The following OSTF1 variants were observed in gnomAD, a reference collection of about 807,000 sequenced individuals.
The protein encoded by OSTF1 is osteoclast-stimulating factor 1.
In OSTF1, 27 loss-of-function variants were observed where a neutral mutation model predicts 37.2. That is an observed-to-expected ratio of 0.73 (90% CI 0.54 to 1.00). The LOEUF (loss-of-function observed/expected upper bound fraction) is 1.00. Among genes scored for constraint, OSTF1 ranks in the 50% least tolerant of loss-of-function variants. OSTF1 has a pLI of 0.00. For synonymous variants in OSTF1, 82 were observed against 89.2 expected (o/e 0.92, Z 0.46); for missense variants, 232 against 253.8 (o/e 0.91, Z 0.58).
chr9:75,116,181 A>C (rs750437601), intron 1 of OSTF1, among the ~76,000 whole-genome samples: 11 of 152,250 alleles, frequency 7.2e-5, no homozygotes, highest in Non-Finnish European at 1.6e-4. Flanking sequence ...TAGTATGTAC[A>C]TTGCATTAAG....
intron 8 of OSTF1, among the ~76,000 whole-genome samples, chr9:75,139,061 T>TCTTTTCTTTCTTTTC (rs1825895719): frequency 7.1e-6 from 1 of 140,976 alleles, no homozygotes. Flanking sequence ...TTTCTTTTTT[T>TCTTTTCTTTCTTTTC]TTTGAAACTG....
At chr9:75,118,692 A>C (rs557888797) in intron 2 of OSTF1, among the ~76,000 whole-genome samples, 4 of 152,220 alleles carry the variant, frequency 2.6e-5, no homozygotes, top group African/African-American at 9.7e-5. Context: ...GGCGAAAGGC[A>C]TGTCTTACAT....
chr9:75,128,574 TTTTGTCC>T lies in OSTF1; in HGVS notation c.132+956_132+962del, dbSNP rs375092311. 3.1e-4 allele frequency among the ~76,000 whole-genome samples: 4 copies of T among 12,786 alleles called. 1 individual carries two copies. Among genetic ancestry groups the T allele is most frequent in the Non-Finnish European group, 5.6e-4 (3 of 5,348 alleles). 8.4% of individuals were successfully genotyped at this position (12,786 alleles called of 152,430 possible). A position where few individuals can be genotyped will look rare whatever the true frequency, so the allele number is the denominator to read the frequency against. On this transcript the variant is annotated intron_variant, in intron 3 of 9. Coordinates refer to ENST00000346234, the MANE Select transcript of OSTF1 (RefSeq NM_012383.5). The stretch of plus-strand genomic sequence containing the variant: ...GTCCATATATATATATATATATATA[TTTTGTCC>T]ATATATATATATATATATATATATA...
At chr9:75,090,294 GGTGTGTGTGTGTGT>G (rs3837221) in intron 1 of OSTF1, among the ~76,000 whole-genome samples, 14,276 of 149,336 alleles carry the variant, frequency 0.096, 869 homozygotes, top group African/African-American at 0.17. Context: ...GACATTGACA[GGTGTGTGTGTGTGT>G]GTGTGTGTGT....
At chr9:75,117,574 TA>T in intron 2 of OSTF1, 24 bp downstream of exon 2, 1 of 1,542,276 alleles carries the variant, frequency 6.5e-7, no homozygotes, top group Non-Finnish European at 9.0e-7. Flanking sequence ...TTTTAACTTC[TA>T]AAATTGACAG....
intron 1 of OSTF1, among the ~76,000 whole-genome samples, chr9:75,111,125 C>T (rs558024045): frequency 1.4e-4 from 22 of 152,262 alleles, no homozygotes; most frequent in African/African-American, 4.8e-4. Context: ...AATTTGTAAG[C>T]CCCAGGCCCG....
Position 75,131,812 on chromosome 9 carries a change from C to A in OSTF1, c.239C>A (p.Ala80Glu). Residue 80 changes from alanine to glutamate, a missense_variant, in exon 5 of 10, where the codon GCA becomes GAA. By Grantham distance (107) the Ala-to-Glu change is moderately radical. Transcript: ENST00000346234. ...TCCATTGACAATCCATTGCATGAAG[C>A]AGCAAAAAGAGGTAGGTGTGATTCT... is the stretch of plus-strand genomic sequence containing the variant. ...AESIDNPLHE[A>E]AKRGNLSWLR... 6.2e-7 allele frequency: 1 copy of A among 1,612,658 alleles called. No individual in the cohort carries two copies. The highest frequency in any genetic ancestry group is 8.5e-7 in the Non-Finnish European group (1 of 1,178,878).
chr9:75,126,686 C>T (rs376640500), intron 2 of OSTF1, among the ~76,000 whole-genome samples: 10 of 152,066 alleles, frequency 6.6e-5, no homozygotes, highest in African/African-American at 2.2e-4. Flanking sequence ...CTCTGCCTCC[C>T]GGGTTCAAGA....
chr9:75,130,625 A>G lies in OSTF1; in HGVS notation c.180A>G (p.Leu60=). 1 of 1,610,720 alleles carries G rather than the reference A, an allele frequency of 6.2e-7. No individual in the cohort carries two copies. The highest frequency in any genetic ancestry group is 8.5e-7 in the Non-Finnish European group (1 of 1,176,916). The stretch of plus-strand genomic sequence containing the variant: ...GCACCTCCAAAGGCAGGACTGGACT[A>G]ATTCCAAGCAACTATGGTAAGTGTT... ...WKGTSKGRTG[L]IPSNYVAEQA... Residue 60 remains leucine (L), a synonymous_variant, in exon 4 of 10, where the codon CTA becomes CTG. Transcript: ENST00000346234.
At chr9:75,088,933 A>AAT (rs528357564) in intron 1 of OSTF1, among the ~76,000 whole-genome samples, 262 of 150,300 alleles carry the variant, frequency 1.7e-3, no homozygotes, top group East Asian at 9.1e-3. Flanking sequence ...TTCGAGGATT[A>AAT]ATATATATAT....
Position 75,120,606 on chromosome 9 carries a change from C to T in OSTF1, c.81+3056C>T, listed in dbSNP as rs114806581. Among the ~76,000 whole-genome samples the T allele has an allele frequency of 1.7e-3, 259 of 152,244 alleles. 2 individuals are homozygous for T. The highest frequency in any genetic ancestry group is 6.8e-3 in the Middle Eastern group (2 of 294). ...GTCCTTTCTCACCGACCTCTTCCTT[C>T]CCCTTTGCTTCCTCATGACCTGGTT... On this transcript the variant is annotated intron_variant, in intron 2 of 9. Coordinates refer to ENST00000346234, the MANE Select transcript of OSTF1 (RefSeq NM_012383.5).
chr9:75,136,033 C>T (rs1825837525), intron 7 of OSTF1, among the ~76,000 whole-genome samples: 1 of 152,174 alleles, frequency 6.6e-6, no homozygotes, highest in Admixed American at 6.5e-5. Context: ...AAGAATTCAA[C>T]ATCCGCTGAC....
intron 8 of OSTF1, among the ~76,000 whole-genome samples, 159 bp downstream of exon 8, chr9:75,137,775 A>T (rs1475081987): frequency 1.3e-5 from 2 of 152,240 alleles, no homozygotes; most frequent in Non-Finnish European, 2.9e-5. Flanking sequence ...ATGATAAAAT[A>T]AAATTATTGG....
intron 1 of OSTF1, among the ~76,000 whole-genome samples, chr9:75,115,929 C>A (rs1825480657): frequency 6.6e-6 from 1 of 151,940 alleles, no homozygotes; most frequent in Non-Finnish European, 1.5e-5. Context: ...CATGGCGAAA[C>A]CCCATCTCTA....
chr9:75,109,689 A>G (rs922841994), intron 1 of OSTF1, among the ~76,000 whole-genome samples: 10 of 152,184 alleles, frequency 6.6e-5, no homozygotes, highest in Admixed American at 4.6e-4. Context: ...TTTTCTTCCT[A>G]CGGAAGATGA....
chr9:75,103,342 G>A (rs991716383), intron 1 of OSTF1, among the ~76,000 whole-genome samples: 11 of 151,816 alleles, frequency 7.2e-5, no homozygotes, highest in Non-Finnish European at 1.6e-4. Context: ...TCTTCAAAAG[G>A]GCATTAAAAG....
chr9:75,114,904 T>C (rs984759600), intron 1 of OSTF1, among the ~76,000 whole-genome samples: 3 of 152,238 alleles, frequency 2.0e-5, no homozygotes, highest in Non-Finnish European at 4.4e-5. Flanking sequence ...TCATGCTTCA[T>C]TCATTCCATA....
At chr9:75,107,762 A>G (rs1825314656) in intron 1 of OSTF1, among the ~76,000 whole-genome samples, 1 of 152,210 alleles carries the variant, frequency 6.6e-6, no homozygotes, top group African/African-American at 2.4e-5. Context: ...AATTTTTTCC[A>G]AAATCTACCA....
At chr9:75,113,583 G>A (rs574663135) in intron 1 of OSTF1, among the ~76,000 whole-genome samples, 1 of 152,120 alleles carries the variant, frequency 6.6e-6, no homozygotes, top group South Asian at 2.1e-4. Flanking sequence ...CCAGTAACTG[G>A]TACTACAAGT....
Sources: allele counts gnomAD v4.1 joint callset (sites outside exome capture counted in the v4.1 genomes callset), GRCh38; gene constraint gnomAD v4.1.1; transcripts MANE v1.5; gene names NCBI Gene and HGNC (gene_info 2026-07-23, HGNC 2026-07-21).